The following TOP2B variants were observed in gnomAD, a reference collection of about 807,000 sequenced individuals.
The protein encoded by TOP2B is DNA topoisomerase II beta, also known as DNA topoisomerase 2-beta.
Under a neutral mutation model 193.5 loss-of-function variants are expected in TOP2B, and 51 were observed. The observed-to-expected ratio is 0.26, with a 90% CI of 0.21 to 0.33. The LOEUF (loss-of-function observed/expected upper bound fraction) is 0.33. Among genes scored for constraint, TOP2B ranks in the 10% least tolerant of loss-of-function variants. TOP2B has a pLI of 1.00. For synonymous variants in TOP2B, 634 were observed against 635.7 expected (o/e 1.00, Z 0.04); for missense variants, 1,378 against 1,909.3 (o/e 0.72, Z 5.19).
chr3:25,623,472 A>G lies in TOP2B; in HGVS notation c.2727+43T>C, dbSNP rs1482375549. 3.9e-6 allele frequency: 6 copies of G among 1,537,572 alleles called. No homozygotes were observed. The African/African-American group carries it at 6.8e-5, about 18-fold the overall frequency. On this transcript the variant is annotated intron_variant, in intron 21 of 35. Coordinates refer to ENST00000264331, the MANE Select transcript of TOP2B (RefSeq NM_001330700.2). The stretch of plus-strand genomic sequence containing the variant: ...AAAATGACGGGAATTTGTAGTTTAC[A>G]CATTATCATTTGTTAAATAAATAAT...
intron 25 of TOP2B, 67 bp from the exon 26 acceptor site, chr3:25,615,653 A>G (rs1702484899): frequency 4.8e-6 from 6 of 1,252,210 alleles, no homozygotes; most frequent in Non-Finnish European, 5.1e-6. Context: ...AATTTTATTG[A>G]ATAATTAGTT....
intron 1 of TOP2B, among the ~76,000 whole-genome samples, chr3:25,645,754 AGTTTGTTT>A (rs1229649999): frequency 1.3e-5 from 2 of 151,732 alleles, no homozygotes; most frequent in Admixed American, 6.6e-5. Context: ...TAAGATATCA[AGTTTGTTT>A]GTTTGTTTTG....
At chr3:25,626,942 C>A in intron 16 of TOP2B, 78 bp from the exon 17 acceptor site, 1 of 865,562 alleles carries the variant, frequency 1.2e-6, no homozygotes, top group South Asian at 1.8e-5. Flanking sequence ...TATAAGTGGC[C>A]AATAACTAAT....
At chr3:25,618,604 T>A in intron 24 of TOP2B, 50 bp downstream of exon 24, 1 of 1,461,062 alleles carries the variant, frequency 6.8e-7, no homozygotes, top group Non-Finnish European at 9.0e-7. Flanking sequence ...ATTAATAAAG[T>A]TTTTTTTCCA....
chr3:25,633,660 TTAAA>T (rs1189299020), intron 8 of TOP2B, among the ~76,000 whole-genome samples, 177 bp downstream of exon 8: 1 of 152,196 alleles, frequency 6.6e-6, no homozygotes, highest in East Asian at 1.9e-4. Flanking sequence ...CAATAATTGT[TTAAA>T]TAAATTTTAA....
At chr3:25,617,938 T>C (rs1373832014) in intron 25 of TOP2B, among the ~76,000 whole-genome samples, 1 of 152,336 alleles carries the variant, frequency 6.6e-6, no homozygotes, top group East Asian at 1.9e-4. Context: ...GAGGCAGAGC[T>C]TGGTGTTTGA....
intron 1 of TOP2B, among the ~76,000 whole-genome samples, chr3:25,648,333 C>A (rs1404043232): frequency 2.6e-5 from 4 of 152,172 alleles, no homozygotes; most frequent in African/African-American, 9.7e-5. Flanking sequence ...GACAGATGGA[C>A]AGAGGCAAAC....
intron 1 of TOP2B, among the ~76,000 whole-genome samples, chr3:25,645,758 T>C (rs1298678159): frequency 6.6e-6 from 1 of 151,842 alleles, no homozygotes; most frequent in African/African-American, 2.4e-5. Context: ...ATATCAAGTT[T>C]GTTTGTTTGT....
chr3:25,614,254 CT>C (rs550691807), intron 27 of TOP2B, among the ~76,000 whole-genome samples: 95 of 152,128 alleles, frequency 6.2e-4, no homozygotes, highest in Non-Finnish European at 1.2e-3. Flanking sequence ...CAAAAGTTTC[CT>C]GTGTTTCACT....
In TOP2B at chr3:25,633,971, T is replaced by C; in HGVS notation, c.896A>G (p.Lys299Arg). The stretch of plus-strand genomic sequence containing the variant: ...CAGGGCCACCCCAGTTTCATCCAAT[T>C]TGTCTTTCACATAAAGATCTACATA... ...RSYVDLYVKD[K>R]LDETGVALKV... is the part of the protein sequence containing the mutation. Residue 299 changes from lysine (K) to arginine (R), a missense_variant, in exon 8 of 36, where the codon AAA (lysine) becomes AGA (arginine). Around this residue, in one of 9 missense-constraint regions of TOP2B, gnomAD observed 222 missense variants for 306.6 expected, o/e 0.72. Transcript: ENST00000264331. The C allele has an allele frequency of 6.2e-7, 1 of 1,612,440 alleles. No individual in the cohort carries two copies. Among genetic ancestry groups the C allele is most frequent in the Non-Finnish European group, 8.5e-7 (1 of 1,179,152 alleles).
chr3:25,664,396 C>A lies in TOP2B; in HGVS notation c.-99G>T. The A allele has an allele frequency of 7.5e-7, 1 of 1,332,374 alleles. No homozygotes were observed. Among genetic ancestry groups the A allele is most frequent in the Non-Finnish European group, 9.5e-7 (1 of 1,050,864 alleles). 82.5% of individuals were successfully genotyped at this position (1,332,374 alleles called of 1,614,324 possible). On this transcript the variant is annotated 5_prime_UTR_variant, in exon 1 of 36. Transcript: ENST00000264331. ...GCCGCTCCGCACCCACCGCTCCACTCGCCGCACTCCTAGCCGCGCCGACCC... is the reference window on the plus strand; with the variant it reads ...GCCGCTCCGCACCCACCGCTCCACTAGCCGCACTCCTAGCCGCGCCGACCC...
In TOP2B at chr3:25,619,947, AT is replaced by A; in HGVS notation, c.2977del (p.Met993Ter). 1 of 1,613,210 alleles carries A rather than the reference AT, an allele frequency of 6.2e-7. No homozygotes were observed. The highest frequency in any genetic ancestry group is 8.5e-7 in the Non-Finnish European group (1 of 1,179,676). On this transcript the variant is annotated frameshift_variant, in exon 23 of 36. Transcript: ENST00000264331. LOFTEE classifies it high-confidence loss of function. Reference sequence around the variant, plus strand: ...TGCTTGTGCTAGTTTCTCTTCAGTCATTTTCACCACAAATTTCACAGTTGTG... The same window carrying A: ...TGCTTGTGCTAGTTTCTCTTCAGTCATTTCACCACAAATTTCACAGTTGTG... ...TDTTVKFVVK[M>X]TEEKLAQAEA...
intron 33 of TOP2B, 136 bp from the exon 34 acceptor site, chr3:25,601,361 T>A: frequency 1.9e-6 from 2 of 1,072,490 alleles, no homozygotes; most frequent in Non-Finnish European, 2.6e-6. Flanking sequence ...CTCACACCTG[T>A]AATGCCAGCA....
In TOP2B at chr3:25,615,279, C is replaced by T. The variant is rs1375163082; in HGVS notation, c.3517G>A (p.Val1173Ile). ...GGAGATTTTCTTTTAAGATCATTGA[C>T]CTCTCGCCCCTATAATAAAAAAGTA... ...IKQRDAKGRE[V>I]NDLKRKSPSD... Residue 1173 changes from valine (V) to isoleucine (I), a missense_variant, in exon 27 of 36, where the codon GTC becomes ATC. Transcript: ENST00000264331. 1 of 1,609,566 alleles carries T rather than the reference C, an allele frequency of 6.2e-7. No individual in the cohort carries two copies. Among genetic ancestry groups the T allele is most frequent in the Non-Finnish European group, 8.5e-7 (1 of 1,178,158 alleles).
rs1270056533 is a variant in TOP2B, at chr3:25,607,308, A to G, written c.4161T>C (p.Asp1387=). 7.8e-6 allele frequency: 12 copies of G among 1,542,708 alleles called. No individual in the cohort carries two copies. The highest frequency in any genetic ancestry group is 1.2e-5 in the South Asian group (1 of 83,914). ...TCAATTCCTCTAAATCATTATTGTC[A>G]TCATCATCATCATCAGCATCATCAT... ...EEDDDADDDD[D]DNNDLEELKV... Residue 1387 remains aspartate, a synonymous_variant, in exon 31 of 36, where the codon GAT becomes GAC. Transcript: ENST00000264331.
intron 30 of TOP2B, among the ~76,000 whole-genome samples, 162 bp from the exon 31 acceptor site, chr3:25,607,537 T>C (rs1245417954): frequency 6.6e-6 from 1 of 152,216 alleles, no homozygotes; most frequent in African/African-American, 2.4e-5. Context: ...AACTTTGGCC[T>C]TAGTTATCTG....
At chr3:25,641,736 A>G (rs890080080) in intron 4 of TOP2B, among the ~76,000 whole-genome samples, 2 of 152,128 alleles carry the variant, frequency 1.3e-5, no homozygotes, top group African/African-American at 4.8e-5. Context: ...AAATCATGCT[A>G]AATTACTAAT....
At chr3:25,620,555 A>C in intron 22 of TOP2B, 127 bp downstream of exon 22, 1 of 948,588 alleles carries the variant, frequency 1.1e-6, no homozygotes, top group Non-Finnish European at 1.5e-6. Flanking sequence ...ACTGAAGGGT[A>C]AAAGAAGGTA....
chr3:25,630,270 G>A (rs982778924), intron 12 of TOP2B, 42 bp downstream of exon 12: 14 of 1,535,228 alleles, frequency 9.1e-6, no homozygotes, highest in South Asian at 3.7e-5. Context: ...ATATGTATGT[G>A]TGCATGTGTG....
Sources: allele counts gnomAD v4.1 joint callset (sites outside exome capture counted in the v4.1 genomes callset), GRCh38; gene constraint gnomAD v4.1.1; regional missense constraint gnomAD v4.1.1; transcripts MANE v1.5; gene names NCBI Gene and HGNC (gene_info 2026-07-23, HGNC 2026-07-21).